FGF14: variants seen among roughly 807,000 people sequenced by gnomAD.
FGF14 encodes fibroblast growth factor 14.
Under a neutral mutation model 25.5 loss-of-function variants are expected in FGF14, and 5 were observed. The observed-to-expected ratio is 0.20, with a 90% CI of 0.10 to 0.41. The LOEUF is 0.41. Among genes scored for constraint, FGF14 ranks in the 10% least tolerant of loss-of-function variants. The pLI is 1.00. For synonymous variants in FGF14, 138 were observed against 118.3 expected, an observed-to-expected ratio of 1.17 and a Z score of -1.08; for missense variants, 222 against 320.1, an observed-to-expected ratio of 0.69 and a Z score of 2.34.
intron 1 of FGF14, chr13:102,368,187 T>G (rs746173238): frequency 1.3e-5 from 2 of 152,192 alleles, no homozygotes; most frequent in Admixed American, 1.3e-4. Flanking sequence ...TAACAAAGTA[T>G]AATCTAGCCT....
intron 1 of FGF14, among the ~76,000 whole-genome samples, chr13:102,180,151 G>T (rs2048607710): frequency 6.6e-6 from 1 of 152,122 alleles, no homozygotes; most frequent in African/African-American, 2.4e-5. Context: ...AAATGTCACA[G>T]ATATAATTTC....
intron 1 of FGF14, among the ~76,000 whole-genome samples, chr13:102,319,859 CTA>C (rs1480532025): frequency 6.6e-6 from 1 of 152,128 alleles, no homozygotes; most frequent in Non-Finnish European, 1.5e-5. Context: ...GTGCCAAATG[CTA>C]TATATACATG....
chr13:102,348,799 T>G (rs568174446), intron 1 of FGF14, among the ~76,000 whole-genome samples: 1 of 152,272 alleles, frequency 6.6e-6, no homozygotes, highest in African/African-American at 2.4e-5. Flanking sequence ...TAGCCGGGTG[T>G]TGGGTTTGTA....
At chr13:102,212,718 G>A (rs1312609457) in intron 1 of FGF14, among the ~76,000 whole-genome samples, 1 of 152,144 alleles carries the variant, frequency 6.6e-6, no homozygotes, top group Non-Finnish European at 1.5e-5. Context: ...TGACAATTGA[G>A]GAGGGCAAAT....
At chr13:102,290,260 G>T (rs1419036532) in intron 1 of FGF14, among the ~76,000 whole-genome samples, 1 of 152,070 alleles carries the variant, frequency 6.6e-6, no homozygotes, top group Non-Finnish European at 1.5e-5. Context: ...CAGCTCTCTT[G>T]TCCCTTCTAC....
At position 102,326,333 on chromosome 13, in the gene FGF14, G is replaced by A. The variant is rs541296408; in HGVS notation, c.208+75138C>T. On this transcript the variant is annotated intron_variant, in intron 1 of 4. Coordinates refer to the FGF14 transcript ENST00000376131. ...ATAAAACTATCAGTATAATTAAGCC[G>A]AACTTATATAGAATTATTATATAGC... Among the ~76,000 whole-genome samples the A allele has an allele frequency of 1.7e-4, 26 of 152,126 alleles. No homozygotes were observed. In the South Asian group the frequency reaches 2.3e-3, roughly 13 times the overall value.
intron 1 of FGF14, among the ~76,000 whole-genome samples, chr13:102,359,382 T>C (rs1467498986): frequency 6.6e-6 from 1 of 152,192 alleles, no homozygotes; most frequent in Non-Finnish European, 1.5e-5. Flanking sequence ...ATATAAACTA[T>C]TGTTGCACCT....
chr13:101,845,297 T>C (rs1319565603), intron 3 of FGF14, among the ~76,000 whole-genome samples: 3 of 152,050 alleles, frequency 2.0e-5, no homozygotes, highest in East Asian at 3.9e-4. Context: ...TTAAAAACTC[T>C]TTATGTGTGC....
chr13:101,777,133 T>C (rs1271711280), intron 3 of FGF14, among the ~76,000 whole-genome samples: 3 of 152,316 alleles, frequency 2.0e-5, no homozygotes, highest in Non-Finnish European at 4.4e-5. Context: ...AAAATTCATA[T>C]GTTGAAATAG....
intron 1 of FGF14, among the ~76,000 whole-genome samples, chr13:102,190,690 T>C (rs893385197): frequency 1.3e-5 from 2 of 152,126 alleles, no homozygotes; most frequent in Non-Finnish European, 2.9e-5. Flanking sequence ...CAAAAATTAA[T>C]TGAGTTGGGG....
intron 1 of FGF14, among the ~76,000 whole-genome samples, chr13:102,326,366 C>A (rs1012862338): frequency 1.3e-5 from 2 of 152,010 alleles, no homozygotes; most frequent in Non-Finnish European, 2.9e-5. Flanking sequence ...AGCCTAAGTT[C>A]AATTTAAATA....
At chr13:102,063,233 T>C (rs939728407) in intron 1 of FGF14, among the ~76,000 whole-genome samples, 1 of 152,232 alleles carries the variant, frequency 6.6e-6, no homozygotes, top group Non-Finnish European at 1.5e-5. Flanking sequence ...TGGACATAGA[T>C]ACAAAATATG....
At chr13:101,901,942 C>A (rs2138991641) in intron 1 of FGF14, among the ~76,000 whole-genome samples, 1 of 152,164 alleles carries the variant, frequency 6.6e-6, no homozygotes, top group African/African-American at 2.4e-5. Context: ...AAATGCAATT[C>A]ATTTTGATGA....
At chr13:101,869,468 T>C (rs572642832) in intron 2 of FGF14, among the ~76,000 whole-genome samples, 1 of 152,350 alleles carries the variant, frequency 6.6e-6, no homozygotes, top group Non-Finnish European at 1.5e-5. Context: ...ATTTTATATA[T>C]TTTTGCATAG....
intron 1 of FGF14, among the ~76,000 whole-genome samples, chr13:102,330,013 G>A (rs535706658): frequency 8.6e-5 from 13 of 152,032 alleles, no homozygotes; most frequent in East Asian, 1.9e-4. Flanking sequence ...ACCCGCAATC[G>A]TGCCAGTTAT....
chr13:101,816,235 A>C (rs1216423168), intron 3 of FGF14, among the ~76,000 whole-genome samples: 1 of 143,268 alleles, frequency 7.0e-6, no homozygotes, highest in Non-Finnish European at 1.5e-5. Context: ...GCGCCACTGC[A>C]CTCCAACCTG....
chr13:102,295,135 C>T (rs1321743661), intron 1 of FGF14, among the ~76,000 whole-genome samples: 1 of 152,154 alleles, frequency 6.6e-6, no homozygotes, highest in Non-Finnish European at 1.5e-5. Context: ...TGTTGTCCAA[C>T]TTCTACAGGA....
chr13:102,385,589 AT>A (rs1437359385), intron 1 of FGF14, among the ~76,000 whole-genome samples: 1 of 152,220 alleles, frequency 6.6e-6, no homozygotes, highest in Non-Finnish European at 1.5e-5. Context: ...TGGATATGAA[AT>A]ATCATTTTTT....
chr13:102,040,930 TA>T (rs2041701844), intron 1 of FGF14, among the ~76,000 whole-genome samples: 1 of 152,106 alleles, frequency 6.6e-6, no homozygotes, highest in Non-Finnish European at 1.5e-5. Context: ...TTATTCTTGG[TA>T]GTAAAAAATC....
Sources: gnomAD v4.1 joint callset for allele counts (sites outside exome capture counted in the v4.1 genomes callset) on GRCh38, gnomAD v4.1.1 for gene constraint, MANE v1.5 for transcripts, NCBI Gene and HGNC (gene_info 2026-07-23, HGNC 2026-07-21) for gene names.